The following PALB2 variants were observed in gnomAD, a reference collection of about 807,000 sequenced individuals.
PALB2 encodes the protein mutant partner and localizer of BRCA2.
In PALB2, 82 loss-of-function variants were observed where a neutral mutation model predicts 107.4. The ratio of observed to expected loss-of-function variants is 0.76; its 90% CI spans 0.64 to 0.92. The LOEUF is 0.92. Among genes scored for constraint, PALB2 ranks in the 40% least tolerant of loss-of-function variants. The pLI is 0.00. For missense variants in PALB2, 1,374 were observed against 1,379.9 expected (o/e 1.00, Z 0.07); for synonymous variants, 489 against 496.8 (o/e 0.98, Z 0.21).
intron 12 of PALB2, among the ~76,000 whole-genome samples, chr16:23,606,845 G>A (rs112008169): frequency 0.035 from 3,083 of 88,450 alleles, 61 homozygotes; most frequent in Middle Eastern, 0.14. Context: ...TTTTTGAGAC[G>A]GAGTCTCGCT....
At chr16:23,631,987 G>A (rs961069803) in intron 4 of PALB2, among the ~76,000 whole-genome samples, 2 of 152,016 alleles carry the variant, frequency 1.3e-5, no homozygotes, top group Non-Finnish European at 2.9e-5. Flanking sequence ...GCAATTTACC[G>A]CTCTTATTGC....
At chr16:23,617,651 G>A (rs867735175) in intron 10 of PALB2, 53 of 152,184 alleles carry the variant, frequency 3.5e-4, no homozygotes, top group Non-Finnish European at 7.2e-4. Context: ...GGCTGAGGTG[G>A]GAGGACTGCT....
intron 12 of PALB2, among the ~76,000 whole-genome samples, chr16:23,604,368 G>A (rs1459914789): frequency 1.3e-5 from 2 of 152,222 alleles, no homozygotes; most frequent in African/African-American, 2.4e-5. Flanking sequence ...CAATAGGGAT[G>A]ATTTTAAGAG....
chr16:23,629,130 G>A lies in PALB2; in HGVS notation c.2586+74C>T, dbSNP rs1966853233. The stretch of plus-strand genomic sequence containing the variant: ...AGTATTAAAGAACAAGAAGCTATAT[G>A]ACTGAATTCTTTTCAGTTCATTAAA... On this transcript the variant is annotated intron_variant, in intron 6 of 12. Coordinates refer to ENST00000261584, the MANE Select transcript of PALB2 (RefSeq NM_024675.4). 6 of 1,126,020 alleles carry A rather than the reference G, an allele frequency of 5.3e-6. No individual in the cohort carries two copies. In the African/African-American group the frequency reaches 9.2e-5, roughly 17 times the overall value. 69.8% of individuals were successfully genotyped at this position (1,126,020 alleles called of 1,614,324 possible). A position where few individuals can be genotyped will look rare whatever the true frequency, so the allele number is the denominator to read the frequency against.
At chr16:23,608,799 T>TACACACACACACACACACACACAC (rs1309453906) in intron 11 of PALB2, among the ~76,000 whole-genome samples, 7 of 115,068 alleles carry the variant, frequency 6.1e-5, no homozygotes, top group East Asian at 5.1e-4. Context: ...TGTGTATATA[T>TACACACACACACACACACACACAC]ATACACACAC....
At position 23,624,080 on chromosome 16, in the gene PALB2, CT is replaced by C. The variant is rs1567214484; in HGVS notation, c.2762del (p.Gln921ArgfsTer2). On this transcript the variant is annotated frameshift_variant, in exon 8 of 13. Transcript: ENST00000261584. LOFTEE classifies it high-confidence loss of function. ...TWHFAEVPVLQIVPVPDVYNL... is the reference protein window; with the variant it reads ...TWHFAEVPVLXIVPVPDVYNL... ...TATACACATCAGGCACTGGAACTAT[CT>C]GTAATACTGGAACCTAAATAAAACA... 6.2e-7 allele frequency: 1 copy of C among 1,606,300 alleles called. No homozygotes were observed. Among genetic ancestry groups the C allele is most frequent in the South Asian group, 1.1e-5 (1 of 90,922 alleles).
At chr16:23,617,185 A>G (rs540409866) in intron 10 of PALB2, among the ~76,000 whole-genome samples, 1 of 152,308 alleles carries the variant, frequency 6.6e-6, no homozygotes, top group Admixed American at 6.5e-5. Context: ...GTATAACATG[A>G]ATCACTTGAG....
chr16:23,627,418 C>T (rs1415031486), intron 6 of PALB2, among the ~76,000 whole-genome samples: 2 of 147,450 alleles, frequency 1.4e-5, no homozygotes, highest in Non-Finnish European at 3.0e-5. Context: ...ACCCGGGAAG[C>T]GGAGCTTGCA....
chr16:23,615,139 G>C (rs1406070213), intron 10 of PALB2, among the ~76,000 whole-genome samples: 1 of 151,040 alleles, frequency 6.6e-6, no homozygotes, highest in Admixed American at 6.6e-5. Flanking sequence ...AGTAGAGGCA[G>C]GGTTTCACCA....
At chr16:23,609,791 C>T (rs1007264723) in intron 11 of PALB2, among the ~76,000 whole-genome samples, 3 of 152,142 alleles carry the variant, frequency 2.0e-5, no homozygotes, top group Non-Finnish European at 4.4e-5. Context: ...GCTGGGATTA[C>T]AGGCGTGAGC....
chr16:23,629,141 T>C (rs185846350), intron 6 of PALB2, 63 bp downstream of exon 6: 2 of 1,269,200 alleles, frequency 1.6e-6, no homozygotes, highest in African/African-American at 2.9e-5. Context: ...ACTGAATTCT[T>C]TTCAGTTCAT....
chr16:23,641,267 C>A lies in PALB2; in HGVS notation c.-110G>T. The stretch of plus-strand genomic sequence containing the variant: ...GGCGCCCCAGGAAGGAATGGGGAGC[C>A]CGGGATCGCACCCTCAGTGCGCGAT... On this transcript the variant is annotated 5_prime_UTR_variant, in exon 1 of 13. Coordinates refer to ENST00000261584, the MANE Select transcript of PALB2 (RefSeq NM_024675.4). 2 of 1,407,394 alleles carry A rather than the reference C, an allele frequency of 1.4e-6. No individual in the cohort carries two copies. Among genetic ancestry groups the A allele is most frequent in the South Asian group, 2.4e-5 (2 of 81,822 alleles). 87.2% of individuals were successfully genotyped at this position (1,407,394 alleles called of 1,614,324 possible). A position where few individuals can be genotyped will look rare whatever the true frequency, so the allele number is the denominator to read the frequency against.
intron 6 of PALB2, among the ~76,000 whole-genome samples, chr16:23,628,667 T>A (rs528551836): frequency 1.8e-4 from 27 of 152,042 alleles, no homozygotes; most frequent in Admixed American, 1.6e-3. Context: ...TGAGACAGAG[T>A]CTCACTCGCC....
chr16:23,628,724 C>CT (rs561138211), intron 6 of PALB2, among the ~76,000 whole-genome samples: 243 of 152,304 alleles, frequency 1.6e-3, no homozygotes, highest in Non-Finnish European at 3.0e-3. Flanking sequence ...CAACGTCTGT[C>CT]TCCCAGTTCA....
rs368593832 is a variant in PALB2 at position 23,634,820 on chromosome 16, TTCA to T, written c.1684+39_1684+41del. The T allele has an allele frequency of 2.3e-4, 361 of 1,581,146 alleles. 1 individual carries two copies. Among genetic ancestry groups the T allele is most frequent in the Middle Eastern group, 1.7e-3 (10 of 5,998 alleles). The stretch of plus-strand genomic sequence containing the variant: ...GCCAGGCAAATAGTAATTGTTAACT[TTCA>T]TCATCATCATCATCATCATCAAACA... On this transcript the variant is annotated intron_variant, in intron 4 of 12. Coordinates refer to ENST00000261584, the MANE Select transcript of PALB2 (RefSeq NM_024675.4).
At position 23,634,981 on chromosome 16, in the gene PALB2, G is replaced by A. The variant is rs2142412424; in HGVS notation, c.1565C>T (p.Pro522Leu). 6.2e-7 allele frequency: 1 copy of A among 1,614,168 alleles called. No individual in the cohort carries two copies. Among genetic ancestry groups the A allele is most frequent in the South Asian group, 1.1e-5 (1 of 91,074 alleles). Residue 522 changes from proline to leucine, a missense_variant, in exon 4 of 13, where the codon CCA (proline) becomes CTA (leucine). Pro to Leu is a moderately conservative substitution (Grantham distance 98). Coordinates refer to ENST00000261584, the MANE Select transcript of PALB2 (RefSeq NM_024675.4). The stretch of plus-strand genomic sequence containing the variant: ...AAGTGGTTCACAATGATCTGATGCT[G>A]GGGTGCAGGCTGATTTTCTTTTTCC... ...YTGKRKSACT[P>L]ASDHCEPLLP...
chr16:23,614,167 C>A lies in PALB2; in HGVS notation c.3114-76G>T. On this transcript the variant is annotated intron_variant, in intron 10 of 12. Transcript: ENST00000261584. The stretch of plus-strand genomic sequence containing the variant: ...TTTCAGAAAATATTTTCTTATTCAT[C>A]ATAGCATGTCTTAGGAGGTGACCAG... 7 of 1,064,986 alleles carry A rather than the reference C, an allele frequency of 6.6e-6. No individual in the cohort carries two copies. The South Asian group carries it at 9.4e-5, about 14-fold the overall frequency. 66.0% of individuals were successfully genotyped at this position (1,064,986 alleles called of 1,614,324 possible).
rs1310999089 is a variant in PALB2 at position 23,608,797 on chromosome 16, T to TACACACACACACACACACACACAC, written c.3202-786_3202-785insGTGTGTGTGTGTGTGTGTGTGTGT. Among the ~76,000 whole-genome samples the TACACACACACACACACACACACAC allele has an allele frequency of 3.1e-3, 350 of 111,356 alleles. 2 individuals carry two copies. The highest frequency in any genetic ancestry group is 0.01 in the African/African-American group (300 of 28,662). The allele number at this position is 111,356 out of a possible 152,430, so 73.1% of individuals were successfully genotyped here. ...AATAATATTACTGTATGTGTGTATATATATACACACACACACACACACACA... is the reference window on the plus strand; with the variant it reads ...AATAATATTACTGTATGTGTGTATATACACACACACACACACACACACACATATACACACACACACACACACACA... On this transcript the variant is annotated intron_variant, in intron 11 of 12. Coordinates refer to ENST00000261584, the MANE Select transcript of PALB2 (RefSeq NM_024675.4).
In PALB2 at chr16:23,603,271, A is replaced by G. The variant is rs1567204827; in HGVS notation, c.*188T>C. The G allele has an allele frequency of 3.5e-6, 2 of 577,274 alleles. No individual in the cohort carries two copies. Among genetic ancestry groups the G allele is most frequent in the East Asian group, 2.9e-5 (1 of 34,078 alleles). The allele number at this position is 577,274 out of a possible 1,614,324, so 35.8% of individuals were successfully genotyped here. On this transcript the variant is annotated 3_prime_UTR_variant, in exon 13 of 13. Transcript: ENST00000261584. ...AAATCAACCTAAAACCCTTTTTCTCAAAGTATACATAAATGTACATCCAAG... is the reference window on the plus strand; with the variant it reads ...AAATCAACCTAAAACCCTTTTTCTCGAAGTATACATAAATGTACATCCAAG...
Sources: gnomAD v4.1 joint callset for allele counts (sites outside exome capture counted in the v4.1 genomes callset) on GRCh38, gnomAD v4.1.1 for gene constraint, MANE v1.5 for transcripts, NCBI Gene and HGNC (gene_info 2026-07-23, HGNC 2026-07-21) for gene names.